Variants in HMGCLL1 observed in about 807,000 individuals in gnomAD.
HMGCLL1 encodes the protein 3-hydroxymethyl-3-methylglutaryl-CoA lyase, cytoplasmic.
A neutral mutation model predicts 39.1 loss-of-function variants in HMGCLL1; 36 were observed. The ratio of observed to expected loss-of-function variants is 0.92; its 90% confidence interval spans 0.71 to 1.22. The LOEUF (loss-of-function observed/expected upper bound fraction) is 1.22, where lower values mean the gene tolerates loss of function less well. HMGCLL1 is among the 50% of genes most tolerant of loss of function. The probability of loss-of-function intolerance (pLI) is 0.00; values close to 1 mark genes in which losing one functional copy is unlikely to be tolerated. For missense variants in HMGCLL1, 451 were observed against 416.5 expected (o/e 1.08, Z -0.72); for synonymous variants, 149 against 144.0 (o/e 1.03, Z -0.25).
intron 3 of HMGCLL1, among the ~76,000 whole-genome samples, chr6:55,533,729 A>G (rs1209022149): frequency 6.7e-6 from 1 of 150,200 alleles, no homozygotes; most frequent in Non-Finnish European, 1.5e-5. Flanking sequence ...TACTAAAAAT[A>G]CAAAAAATTA....
At chr6:55,583,916 A>G (rs1772027175), upstream of HMGCLL1, among the ~76,000 whole-genome samples, 1 of 152,100 alleles carries the variant, frequency 6.6e-6, no homozygotes, top group South Asian at 2.1e-4. Context: ...CTTCTTACGG[A>G]GATTTACTTT....
At chr6:55,658,059 A>T in the HMGCLL1 span, among the ~76,000 whole-genome samples, 1 of 150,932 alleles carries the variant, frequency 6.6e-6, no homozygotes, top group East Asian at 1.9e-4. Flanking sequence ...GAACTTAAAT[A>T]AAAATTTAAA....
chr6:55,649,799 T>A, the HMGCLL1 span, among the ~76,000 whole-genome samples: 1 of 151,650 alleles, frequency 6.6e-6, no homozygotes, highest in Non-Finnish European at 1.5e-5. Flanking sequence ...CTCCTCTGAC[T>A]ATGTATTTTC....
At chr6:55,558,240 G>A (rs4454140) in intron 1 of HMGCLL1, among the ~76,000 whole-genome samples, 88,090 of 152,036 alleles carry the variant, frequency 0.58, 25,456 homozygotes, top group Admixed American at 0.64. Flanking sequence ...ATAGGATTAA[G>A]TTTAAACTAT....
chr6:55,614,512 C>G, the HMGCLL1 span, among the ~76,000 whole-genome samples: 1 of 151,854 alleles, frequency 6.6e-6, no homozygotes, highest in South Asian at 2.1e-4. Flanking sequence ...TTATAGCGGC[C>G]CAAGCTAAGA....
chr6:55,520,287 A>G (rs1767974351), intron 3 of HMGCLL1, among the ~76,000 whole-genome samples: 2 of 151,310 alleles, frequency 1.3e-5, no homozygotes, highest in South Asian at 4.1e-4. Flanking sequence ...TAAAAGAAAA[A>G]AAAGGAAAAT....
intron 3 of HMGCLL1, 69 bp from the exon 4 acceptor site, chr6:55,516,672 A>C: frequency 9.4e-7 from 1 of 1,065,032 alleles, no homozygotes; most frequent in Admixed American, 1.7e-5. Flanking sequence ...TTTTAGTTTC[A>C]GGTAGGTTAT....
intron 1 of HMGCLL1, among the ~76,000 whole-genome samples, chr6:55,552,458 A>G (rs1366992360): frequency 6.6e-6 from 1 of 151,972 alleles, no homozygotes; most frequent in Non-Finnish European, 1.5e-5. Flanking sequence ...CTGCAATAAA[A>G]AATATATTTT....
chr6:55,638,668 T>C, the HMGCLL1 span, among the ~76,000 whole-genome samples: 1 of 152,292 alleles, frequency 6.6e-6, no homozygotes, highest in South Asian at 2.1e-4. Flanking sequence ...TTTACTCATT[T>C]ATATAATGTA....
intron 1 of HMGCLL1, among the ~76,000 whole-genome samples, chr6:55,559,178 CA>C (rs558971039): frequency 2.0e-5 from 3 of 152,010 alleles, no homozygotes; most frequent in East Asian, 1.9e-4. Flanking sequence ...TTGTTCCCGC[CA>C]AAAAAAGTCC....
intron 1 of HMGCLL1, among the ~76,000 whole-genome samples, chr6:55,559,515 A>T (rs1770832680): frequency 6.6e-6 from 1 of 152,164 alleles, no homozygotes; most frequent in Non-Finnish European, 1.5e-5. Flanking sequence ...GTTTCCTCCT[A>T]TGGTCTCTTT....
chr6:55,604,464 A>G, the HMGCLL1 span, among the ~76,000 whole-genome samples: 3 of 152,240 alleles, frequency 2.0e-5, no homozygotes, highest in South Asian at 4.1e-4. Context: ...CTAGCTTTAT[A>G]TATTGTAACT....
the HMGCLL1 span, among the ~76,000 whole-genome samples, chr6:55,597,752 T>C: frequency 1.3e-5 from 2 of 152,082 alleles, no homozygotes; most frequent in Admixed American, 6.6e-5. Context: ...AATGAGACAG[T>C]TTGTAAAAAT....
intron 7 of HMGCLL1, among the ~76,000 whole-genome samples, chr6:55,474,031 A>C (rs1765169807): frequency 6.6e-6 from 1 of 151,448 alleles, no homozygotes; most frequent in Non-Finnish European, 1.5e-5. Flanking sequence ...GCTTCTTTCA[A>C]AATTCTCTGT....
At chr6:55,478,970 C>CT (rs1239557248) in intron 7 of HMGCLL1, among the ~76,000 whole-genome samples, 4 of 151,506 alleles carry the variant, frequency 2.6e-5, no homozygotes, top group Non-Finnish European at 4.4e-5. Flanking sequence ...TACTATGGCT[C>CT]TGAGCATCCT....
At chr6:55,582,287 T>C (rs1340692950), upstream of HMGCLL1, among the ~76,000 whole-genome samples, 1 of 152,182 alleles carries the variant, frequency 6.6e-6, no homozygotes, top group Non-Finnish European at 1.5e-5. Flanking sequence ...TGTTCAACAT[T>C]TGGTCTCTGG....
chr6:55,665,454 CT>C, the HMGCLL1 span, among the ~76,000 whole-genome samples: 1 of 151,736 alleles, frequency 6.6e-6, no homozygotes, highest in African/African-American at 2.4e-5. Context: ...TTAGGCTGTT[CT>C]TTTATGTTAG....
the HMGCLL1 span, among the ~76,000 whole-genome samples, chr6:55,588,200 C>G: frequency 6.6e-6 from 1 of 152,168 alleles, no homozygotes; most frequent in African/African-American, 2.4e-5. Context: ...TTATAACAAA[C>G]TGTCTCTCAG....
chr6:55,624,976 T>C, the HMGCLL1 span, among the ~76,000 whole-genome samples: 1 of 152,090 alleles, frequency 6.6e-6, no homozygotes, highest in Non-Finnish European at 1.5e-5. Flanking sequence ...CAGGCTGTTG[T>C]GAAAGCTGCT....
Sources: allele counts gnomAD v4.1 joint callset (sites outside exome capture counted in the v4.1 genomes callset), GRCh38; gene constraint gnomAD v4.1.1; transcripts MANE v1.5; gene names NCBI Gene and HGNC (gene_info 2026-07-23, HGNC 2026-07-21).